The following ADAM18 variants were observed in gnomAD, a reference collection of about 807,000 sequenced individuals.
ADAM18 encodes the protein disintegrin and metalloproteinase domain-containing protein 18.
ADAM18 carries 117 observed loss-of-function variants against 94.4 expected under a neutral mutation model. That is an observed-to-expected ratio of 1.24 (90% CI 1.07 to 1.45). The LOEUF is 1.45. ADAM18 is among the 40% of genes most tolerant of loss of function. The probability of loss-of-function intolerance (pLI) is 0.00; values close to 1 mark genes in which losing one functional copy is unlikely to be tolerated. For missense variants in ADAM18, 936 were observed against 880.0 expected (o/e 1.06, Z -0.81); for synonymous variants, 327 against 291.6 (o/e 1.12, Z -1.24).
At chr8:39,706,719 A>G (rs1028169932) in intron 17 of ADAM18, 71 bp from the exon 18 acceptor site, 22 of 658,978 alleles carry the variant, frequency 3.3e-5, no homozygotes, top group Middle Eastern at 4.2e-4. Flanking sequence ...TATTTATATC[A>G]GATACAAAGA....
Position 39,669,327 on chromosome 8 carries a change from A to T in ADAM18, c.1525+1131A>T, listed in dbSNP as rs182277789. 1.1e-4 allele frequency among the ~76,000 whole-genome samples: 17 copies of T among 147,968 alleles called. No homozygotes were observed. In the East Asian group the frequency reaches 3.3e-3, roughly 29 times the overall value. On this transcript the variant is annotated intron_variant, in intron 14 of 19. Coordinates refer to ENST00000265707, the MANE Select transcript of ADAM18 (RefSeq NM_014237.3). The stretch of plus-strand genomic sequence containing the variant: ...ACTCTTTTTTTTAAATTTTATTATT[A>T]TTATACTTTAAGTTTTAGGGTACAT...
intron 17 of ADAM18, among the ~76,000 whole-genome samples, chr8:39,696,873 T>C (rs1201052212): frequency 1.3e-5 from 2 of 151,630 alleles, no homozygotes; most frequent in Non-Finnish European, 3.0e-5. Context: ...CATATGAACT[T>C]TGTGATGCAT....
chr8:39,713,175 A>C (rs1194221339), intron 18 of ADAM18, among the ~76,000 whole-genome samples: 5 of 152,230 alleles, frequency 3.3e-5, no homozygotes, highest in Non-Finnish European at 7.3e-5. Flanking sequence ...ACCTGACAAA[A>C]ACAAGAAATG....
chr8:39,625,872 C>A (rs1482767577), intron 6 of ADAM18, among the ~76,000 whole-genome samples: 1 of 151,990 alleles, frequency 6.6e-6, no homozygotes, highest in African/African-American at 2.4e-5. Context: ...TGAGGTGAAA[C>A]CTTCTGATCA....
chr8:39,698,764 A>T (rs1821990547), intron 17 of ADAM18, among the ~76,000 whole-genome samples: 1 of 152,022 alleles, frequency 6.6e-6, no homozygotes, highest in Non-Finnish European at 1.5e-5. Context: ...CCATTTATGG[A>T]TTGAGCTATG....
At chr8:39,596,381 G>A (rs150465702) in intron 2 of ADAM18, among the ~76,000 whole-genome samples, 32 of 152,260 alleles carry the variant, frequency 2.1e-4, no homozygotes, top group Admixed American at 6.5e-4. Context: ...TTCTTTTACA[G>A]TCTCTATAGT....
chr8:39,680,041 G>T lies in ADAM18; in HGVS notation c.1636G>T (p.Val546Phe). The change falls in exon 16 of 20, where the codon GTT becomes TTT. Residue 546 changes from valine to phenylalanine, a missense_variant. Transcript: ENST00000265707. ...SQPLPCERKD[V>F]LCGKLACVQP... ...CTTTTTGCTTTCCACTTCCAGGGAT[G>T]TTCTCTGTGGAAAATTAGCTTGTGT... 6.2e-7 allele frequency: 1 copy of T among 1,613,462 alleles called. No individual in the cohort carries two copies. Among genetic ancestry groups the T allele is most frequent in the Non-Finnish European group, 8.5e-7 (1 of 1,179,750 alleles).
chr8:39,730,008 A>T lies in ADAM18; in HGVS notation c.*68A>T, dbSNP rs2129582102. ...TGTGCTTTATTTATAACCTTACGTTATCCCCAATGCATTGTAAATGTCAAA... is the reference window on the plus strand; with the variant it reads ...TGTGCTTTATTTATAACCTTACGTTTTCCCCAATGCATTGTAAATGTCAAA... On this transcript the variant is annotated 3_prime_UTR_variant, in exon 20 of 20. Coordinates refer to ENST00000265707, the MANE Select transcript of ADAM18 (RefSeq NM_014237.3). 6.8e-7 allele frequency: 1 copy of T among 1,472,096 alleles called. No homozygotes were observed. The highest frequency in any genetic ancestry group is 2.3e-5 in the East Asian group (1 of 44,150). 91.2% of individuals were successfully genotyped at this position (1,472,096 alleles called of 1,614,324 possible).
Position 39,606,304 on chromosome 8 carries a change from T to G in ADAM18, c.133-3T>G. The G allele has an allele frequency of 6.6e-7, 1 of 1,504,346 alleles. No homozygotes were observed. Among genetic ancestry groups the G allele is most frequent in the Non-Finnish European group, 9.1e-7 (1 of 1,103,120 alleles). The allele number at this position is 1,504,346 out of a possible 1,614,324, so 93.2% of individuals were successfully genotyped here. ...CAATCTTTACTGATGTGTTTTATTT[T>G]AGATGATTTACATCATTACAATTGA... On this transcript the variant is annotated splice_polypyrimidine_tract_variant and splice_region_variant and intron_variant, in intron 2 of 19. Transcript: ENST00000265707.
chr8:39,645,620 G>A, intron 11 of ADAM18, 146 bp downstream of exon 11: 2 of 749,438 alleles, frequency 2.7e-6, no homozygotes, highest in Non-Finnish European at 4.2e-6. Context: ...CAAAAATTAT[G>A]TATACTTAGG....
intron 10 of ADAM18, among the ~76,000 whole-genome samples, chr8:39,643,000 C>T (rs1820277287): frequency 6.6e-6 from 1 of 151,956 alleles, no homozygotes; most frequent in African/African-American, 2.4e-5. Flanking sequence ...GATCTTTCAC[C>T]TCCCTAGTTA....
intron 2 of ADAM18, among the ~76,000 whole-genome samples, chr8:39,601,225 A>G (rs1463853208): frequency 6.6e-6 from 1 of 152,248 alleles, no homozygotes; most frequent in Non-Finnish European, 1.5e-5. Flanking sequence ...TTACAATTTG[A>G]TATGAGATTT....
chr8:39,599,515 C>T (rs1369019904), intron 2 of ADAM18, among the ~76,000 whole-genome samples: 5 of 151,992 alleles, frequency 3.3e-5, no homozygotes, highest in African/African-American at 9.7e-5. Context: ...GGTTAATTAT[C>T]GATTCAATGT....
intron 18 of ADAM18, among the ~76,000 whole-genome samples, chr8:39,714,124 G>A (rs1222910582): frequency 2.0e-5 from 3 of 152,180 alleles, no homozygotes; most frequent in African/African-American, 7.2e-5. Flanking sequence ...AAAAGGATGA[G>A]TTCATGTCCT....
chr8:39,726,497 T>C (rs761613851), intron 19 of ADAM18, among the ~76,000 whole-genome samples: 16 of 152,108 alleles, frequency 1.1e-4, no homozygotes, highest in Non-Finnish European at 2.4e-4. Flanking sequence ...TGTCTCATTC[T>C]ATAGGCTGCC....
chr8:39,706,943 T>A (rs745612807), intron 18 of ADAM18, 39 bp downstream of exon 18: 8 of 1,203,928 alleles, frequency 6.6e-6, no homozygotes, highest in African/African-American at 1.5e-5. Flanking sequence ...AATAGAAGGT[T>A]GTTTTATATA....
At chr8:39,646,594 T>C (rs1820384073) in intron 11 of ADAM18, among the ~76,000 whole-genome samples, 2 of 152,158 alleles carry the variant, frequency 1.3e-5, no homozygotes, top group Admixed American at 1.3e-4. Context: ...ACACCAATGC[T>C]ATCAGCCTTT....
chr8:39,616,512 C>A (rs543278909), intron 6 of ADAM18, among the ~76,000 whole-genome samples: 7 of 152,234 alleles, frequency 4.6e-5, no homozygotes, highest in Admixed American at 4.6e-4. Context: ...CGCAATTAGA[C>A]AAAACTATTC....
At chr8:39,608,021 C>G (rs1015279538) in intron 3 of ADAM18, among the ~76,000 whole-genome samples, 2 of 151,938 alleles carry the variant, frequency 1.3e-5, no homozygotes, top group Non-Finnish European at 2.9e-5. Context: ...GGAATTCTGA[C>G]TTTCTTCTCA....
Sources: gnomAD v4.1 joint callset for allele counts (sites outside exome capture counted in the v4.1 genomes callset) on GRCh38, gnomAD v4.1.1 for gene constraint, MANE v1.5 for transcripts, NCBI Gene and HGNC (gene_info 2026-07-23, HGNC 2026-07-21) for gene names.